AMN: variants seen among roughly 807,000 people sequenced by gnomAD.
AMN encodes the protein protein amnionless.
A neutral mutation model predicts 49.1 loss-of-function variants in AMN; 40 were observed. The observed-to-expected ratio is 0.81, with a 90% CI of 0.63 to 1.06. AMN has a LOEUF of 1.06. AMN is among the 50% of genes least tolerant of loss of function. AMN has a pLI of 0.00. For synonymous variants in AMN, 380 were observed against 313.3 expected (o/e 1.21, Z -2.25); for missense variants, 701 against 662.8 (o/e 1.06, Z -0.63).
In AMN at chr14:102,929,909, C is replaced by T. The variant is rs755488212; in HGVS notation, c.844-15C>T. On this transcript the variant is annotated splice_polypyrimidine_tract_variant and intron_variant, in intron 8 of 11. Coordinates refer to ENST00000299155, the MANE Select transcript of AMN (RefSeq NM_030943.4). ...GCGGGGGGCTGAGTCAAACCAACCC[C>T]GTCCCCCTCCCCAGCCTCAGTACCA... is the stretch of plus-strand genomic sequence containing the variant. 6 of 1,552,688 alleles carry T rather than the reference C, an allele frequency of 3.9e-6. No homozygotes were observed. Among genetic ancestry groups the T allele is most frequent in the Admixed American group, 1.9e-5 (1 of 51,388 alleles).
intron 3 of AMN, among the ~76,000 whole-genome samples, chr14:102,927,946 G>C (rs1891223859): frequency 6.6e-6 from 1 of 152,212 alleles, no homozygotes; most frequent in African/African-American, 2.4e-5. Context: ...CTGGCCGCCA[G>C]ATGCAGCCTC....
chr14:102,928,627 G>A (rs1346377579), intron 4 of AMN, 114 bp downstream of exon 4: 3 of 1,495,290 alleles, frequency 2.0e-6, no homozygotes, highest in Admixed American at 3.9e-5. Context: ...CCGGGGGCGT[G>A]GTTTAGGGAG....
At chr14:102,925,521 A>T (rs567482271) in intron 3 of AMN, among the ~76,000 whole-genome samples, 1 of 152,158 alleles carries the variant, frequency 6.6e-6, no homozygotes, top group East Asian at 1.9e-4. Context: ...CCCACGCATA[A>T]CCTTGGCAAC....
intron 1 of AMN, 188 bp downstream of exon 1, chr14:102,922,919 G>A: frequency 3.7e-6 from 3 of 806,170 alleles, no homozygotes; most frequent in Middle Eastern, 3.8e-4. Flanking sequence ...GAAGTGCGCG[G>A]CCAGTGCATC....
Position 102,928,912 on chromosome 14 carries a change from C to T in AMN, c.450C>T (p.Phe150=), listed in dbSNP as rs1171038999. 1 of 1,602,508 alleles carries T rather than the reference C, an allele frequency of 6.2e-7. No homozygotes were observed. Among genetic ancestry groups the T allele is most frequent in the South Asian group, 1.1e-5 (1 of 91,074 alleles). ...TCTTCTTTCCGCCTAGTGCCTCCTT[C>T]CGCGTGGGGCTCGGCCCTGGCGCTA... ...DDVFFPPSAS[F]RVGLGPGASP... is the part of the protein sequence containing the mutation. The change falls in exon 5 of 12, where the codon TTC becomes TTT. Residue 150 remains phenylalanine, a synonymous_variant. Transcript: ENST00000299155.
chr14:102,923,275 T>TG (rs1423350730), intron 1 of AMN: 4 of 290,660 alleles, frequency 1.4e-5, no homozygotes, highest in Non-Finnish European at 2.7e-5. Context: ...CATACCGGGT[T>TG]GCGCTCTGTC....
At position 102,923,475 on chromosome 14, in the gene AMN, G is replaced by A. The variant is rs1278245321; in HGVS notation, c.44-236G>A. ...GGCTATCTAGGCAGGCGTCCTGCAG[G>A]GCGCGTTTGAGCGGGCTCTGCAGGT... On this transcript the variant is annotated intron_variant, in intron 1 of 11. Transcript: ENST00000299155. 1.5e-5 allele frequency: 8 copies of A among 540,504 alleles called. No homozygotes were observed. In the East Asian group the frequency reaches 2.3e-4, roughly 15 times the overall value. The allele number at this position is 540,504 out of a possible 1,614,324, so 33.5% of individuals were successfully genotyped here.
In AMN at chr14:102,929,203, G is replaced by C. The variant is rs1390509389; in HGVS notation, c.596G>C (p.Ser199Thr). 6.3e-7 allele frequency: 1 copy of C among 1,585,958 alleles called. No homozygotes were observed. The highest frequency in any genetic ancestry group is 1.7e-5 in the Admixed American group (1 of 58,610). Residue 199 changes from serine (S) to threonine (T), a missense_variant, in exon 6 of 12, where the codon AGC becomes ACC. Physicochemically the swap from Ser to Thr is moderately conservative, Grantham distance 58. Coordinates refer to ENST00000299155, the MANE Select transcript of AMN (RefSeq NM_030943.4). ...CGCTTCCACGGGCCGGGCGCGCTGA[G>C]CGTGGGCCCCGAGGACTGCGCGGAC... ...RLRFHGPGAL[S>T]VGPEDCADPS...
chr14:102,929,962 GC>G lies in AMN; in HGVS notation c.884del (p.Pro295HisfsTer119), dbSNP rs1458165544. 3.2e-6 allele frequency: 5 copies of G among 1,564,236 alleles called. No individual in the cohort carries two copies. The highest frequency in any genetic ancestry group is 4.3e-6 in the Non-Finnish European group (5 of 1,155,438). On this transcript the variant is annotated frameshift_variant, in exon 9 of 12. Coordinates refer to ENST00000299155, the MANE Select transcript of AMN (RefSeq NM_030943.4). LOFTEE classifies it high-confidence loss of function. ...GGCTGCAGGTGGCCGTGTCCAAGGT[GC>G]CACGCTCGTCCCGGCTCCGTGAGGC... ...HGLQVAVSKVPRSSRLREADT... is the reference protein window; with the variant it reads ...HGLQVAVSKVXRSSRLREADT...
In AMN at chr14:102,930,673, AGGCC is replaced by A; in HGVS notation, c.1356_1359del (p.Glu452AspfsTer51). On this transcript the variant is annotated frameshift_variant, in exon 12 of 12. Transcript: ENST00000299155. LOFTEE classifies it high-confidence loss of function. ...CCTCTGTTCGCCGGGGCCGAGGCCG[AGGCC>A]TGAGCGGCCGCCTGACCGTCGACCT... 1 of 1,563,242 alleles carries A rather than the reference AGGCC, an allele frequency of 6.4e-7. No individual in the cohort carries two copies. Among genetic ancestry groups the A allele is most frequent in the Non-Finnish European group, 8.7e-7 (1 of 1,149,736 alleles).
intron 3 of AMN, among the ~76,000 whole-genome samples, chr14:102,926,956 A>C (rs1416403181): frequency 1.3e-5 from 2 of 152,158 alleles, no homozygotes; most frequent in Non-Finnish European, 2.9e-5. Context: ...CAATGGCGTG[A>C]TCACGGCTCA....
intron 1 of AMN, 33 bp from the exon 2 acceptor site, chr14:102,923,678 A>T (rs769939361): frequency 1.8e-5 from 28 of 1,568,378 alleles, no homozygotes; most frequent in Non-Finnish European, 2.5e-5. Flanking sequence ...CATCCCGGAG[A>T]GCATCCCGGG....
At chr14:102,924,672 C>T (rs1891147452) in intron 3 of AMN, among the ~76,000 whole-genome samples, 1 of 152,186 alleles carries the variant, frequency 6.6e-6, no homozygotes, top group Non-Finnish European at 1.5e-5. Flanking sequence ...CTGCTTCACA[C>T]AACACTCCAA....
chr14:102,930,474 T>C lies in AMN; in HGVS notation c.1238T>C (p.Val413Ala). 5.2e-6 allele frequency: 8 copies of C among 1,532,056 alleles called. No individual in the cohort carries two copies. The highest frequency in any genetic ancestry group is 7.0e-6 in the Non-Finnish European group (8 of 1,142,218). 94.9% of individuals were successfully genotyped at this position (1,532,056 alleles called of 1,614,324 possible). Residue 413 changes from valine to alanine, a missense_variant, in exon 11 of 12, where the codon GTG becomes GCG. Transcript: ENST00000299155. The stretch of plus-strand genomic sequence containing the variant: ...GGCTTCCGCAACCCGGTGTTCGACG[T>C]GACGGCCTCCGAGGAGCTGGTGAGG... Reference protein sequence around the residue: ...PLGFRNPVFDVTASEELPLPR... With the variant: ...PLGFRNPVFDATASEELPLPR...
rs1595430263 is a variant in AMN at position 102,923,619 on chromosome 14, G to A, written c.44-92G>A. On this transcript the variant is annotated intron_variant, in intron 1 of 11. Coordinates refer to ENST00000299155, the MANE Select transcript of AMN (RefSeq NM_030943.4). ...TTCCTATGCGTCCCGGGTGATCCGC[G>A]CGGACCTTCCGCACTTCTCTGGGTG... 4 of 1,169,986 alleles carry A rather than the reference G, an allele frequency of 3.4e-6. No homozygotes were observed. In the East Asian group the frequency reaches 7.0e-5, roughly 20 times the overall value. The allele number at this position is 1,169,986 out of a possible 1,614,324, so 72.5% of individuals were successfully genotyped here. A position where few individuals can be genotyped will look rare whatever the true frequency, so the allele number is the denominator to read the frequency against.
intron 6 of AMN, 28 bp from the exon 7 acceptor site, chr14:102,929,400 C>T: frequency 6.5e-7 from 1 of 1,528,168 alleles, no homozygotes; most frequent in Non-Finnish European, 8.7e-7. Context: ...CTCTGGCCCT[C>T]CGCGCTGACC....
At position 102,929,643 on chromosome 14, in the gene AMN, C is replaced by T. The variant is rs1364160469; in HGVS notation, c.761-12C>T. On this transcript the variant is annotated splice_polypyrimidine_tract_variant and intron_variant, in intron 7 of 11. Transcript: ENST00000299155. ...CGGATCCACGGCGCTGACCCCTGCC[C>T]TCCCGCCGCAGGAGCCGTTGTGTTG... The T allele has an allele frequency of 1.3e-6, 2 of 1,548,930 alleles. No homozygotes were observed. The highest frequency in any genetic ancestry group is 8.7e-7 in the Non-Finnish European group (1 of 1,146,840).
intron 11 of AMN, 27 bp from the exon 12 acceptor site, chr14:102,930,549 C>T: frequency 6.4e-7 from 1 of 1,551,400 alleles, no homozygotes; most frequent in African/African-American, 1.4e-5. Flanking sequence ...TCGGCGCCGA[C>T]CGCCGCCTGA....
At position 102,928,356 on chromosome 14, in the gene AMN, T is replaced by G; in HGVS notation, c.208-70T>G. The G allele has an allele frequency of 2.1e-6, 3 of 1,415,806 alleles. No individual in the cohort carries two copies. In the South Asian group the frequency reaches 3.7e-5, roughly 17 times the overall value. 87.7% of individuals were successfully genotyped at this position (1,415,806 alleles called of 1,614,324 possible). A position where few individuals can be genotyped will look rare whatever the true frequency, so the allele number is the denominator to read the frequency against. ...GTCTCGGCTTCTCGTCCCAGGGGAC[T>G]GGGGGCGGGGTGGGCGCGGAGCAGG... On this transcript the variant is annotated intron_variant, in intron 3 of 11. Coordinates refer to ENST00000299155, the MANE Select transcript of AMN (RefSeq NM_030943.4).
Sources: allele counts gnomAD v4.1 joint callset (sites outside exome capture counted in the v4.1 genomes callset), GRCh38; gene constraint gnomAD v4.1.1; transcripts MANE v1.5; gene names NCBI Gene and HGNC (gene_info 2026-07-23, HGNC 2026-07-21).